The following PLPPR1 variants were observed in gnomAD, a reference collection of about 807,000 sequenced individuals.
The protein encoded by PLPPR1 is phospholipid phosphatase related 1.
PLPPR1 carries 10 observed loss-of-function variants against 33.1 expected under a neutral mutation model. That is an observed-to-expected ratio of 0.30 (90% CI 0.19 to 0.51). The LOEUF (loss-of-function observed/expected upper bound fraction) is 0.51, where lower values mean the gene tolerates loss of function less well. Among genes scored for constraint, PLPPR1 ranks in the 20% least tolerant of loss-of-function variants. The pLI is 0.97. For synonymous variants in PLPPR1, 151 were observed against 151.0 expected, an observed-to-expected ratio of 1.00 and a Z score of 0.00; for missense variants, 304 against 408.1, an observed-to-expected ratio of 0.74 and a Z score of 2.20.
intron 1 of PLPPR1, among the ~76,000 whole-genome samples, chr9:101,127,315 A>T (rs1831257863): frequency 6.6e-6 from 1 of 152,170 alleles, no homozygotes; most frequent in South Asian, 2.1e-4. Flanking sequence ...CATGGGGGCA[A>T]CGAAGTCCGG....
intron 1 of PLPPR1, among the ~76,000 whole-genome samples, chr9:101,121,549 A>G (rs1335130879): frequency 1.3e-5 from 2 of 152,202 alleles, no homozygotes; most frequent in Non-Finnish European, 2.9e-5. Context: ...AATATTTAAT[A>G]CAGTAATACA....
chr9:101,153,751 AT>A (rs3983751), intron 1 of PLPPR1, among the ~76,000 whole-genome samples: 244 of 144,012 alleles, frequency 1.7e-3, no homozygotes, highest in African/African-American at 3.3e-3. Flanking sequence ...TTTTTTTTGT[AT>A]TTTTTTTTTT....
intron 1 of PLPPR1, among the ~76,000 whole-genome samples, chr9:101,086,120 G>T (rs933117196): frequency 1.3e-5 from 2 of 152,150 alleles, no homozygotes. Context: ...CTATTGATAT[G>T]ATGACTATGT....
At chr9:101,128,356 A>G (rs1831272191) in intron 1 of PLPPR1, among the ~76,000 whole-genome samples, 1 of 152,196 alleles carries the variant, frequency 6.6e-6, no homozygotes, top group African/African-American at 2.4e-5. Context: ...TAAAAGGATG[A>G]GTACTTATTT....
intron 1 of PLPPR1, among the ~76,000 whole-genome samples, chr9:101,043,448 CACATATATACATATGTATGTGTATAT>C (rs1830107968): frequency 6.6e-6 from 1 of 150,630 alleles, no homozygotes; most frequent in South Asian, 2.1e-4. Flanking sequence ...TATATGCATA[CACATATATACATATGTATGTGTATAT>C]ACATATACAC....
At position 101,087,646 on chromosome 9, in the gene PLPPR1, A is replaced by G. The variant is rs568206582; in HGVS notation, c.-46+58544A>G. On this transcript the variant is annotated intron_variant, in intron 1 of 7. Coordinates refer to ENST00000374874, the MANE Select transcript of PLPPR1 (RefSeq NM_207299.2). ...GTTCTTTGTTCTCAGAAAATGTGGC[A>G]TAATGAACAGGAAACCACATTTACA... 2.6e-5 allele frequency among the ~76,000 whole-genome samples: 4 copies of G among 152,324 alleles called. No individual in the cohort carries two copies. The South Asian group carries it at 8.3e-4, about 32-fold the overall frequency.
At chr9:101,202,679 C>A (rs1187780241) in intron 2 of PLPPR1, among the ~76,000 whole-genome samples, 1 of 152,198 alleles carries the variant, frequency 6.6e-6, no homozygotes, top group Non-Finnish European at 1.5e-5. Context: ...AAGAGCACCT[C>A]TCATTGTGGA....
intron 4 of PLPPR1, among the ~76,000 whole-genome samples, chr9:101,296,411 A>G (rs1374899928): frequency 6.6e-6 from 1 of 151,546 alleles, no homozygotes; most frequent in Non-Finnish European, 1.5e-5. Flanking sequence ...GGGATCTAGT[A>G]CTAGAAATAC....
At chr9:101,124,873 G>A (rs561164161) in intron 1 of PLPPR1, among the ~76,000 whole-genome samples, 148 of 152,296 alleles carry the variant, frequency 9.7e-4, no homozygotes, top group African/African-American at 3.2e-3. Flanking sequence ...ATGAGTTAAC[G>A]AATGGAATGC....
chr9:101,233,884 A>G (rs1827241246), intron 2 of PLPPR1, among the ~76,000 whole-genome samples: 1 of 151,916 alleles, frequency 6.6e-6, no homozygotes, highest in African/African-American at 2.4e-5. Context: ...TACCCTTTAA[A>G]CATGGTTTGA....
intron 2 of PLPPR1, among the ~76,000 whole-genome samples, chr9:101,266,300 C>T (rs1217006423): frequency 9.3e-5 from 14 of 150,716 alleles, no homozygotes. Flanking sequence ...TGATGGCATG[C>T]ACCTGTAATC....
chr9:101,127,805 T>C lies in PLPPR1; in HGVS notation c.-45-57645T>C, dbSNP rs1246978866. The stretch of plus-strand genomic sequence containing the variant: ...GGACATGTTCCAAGACTCTTTTACA[T>C]TATGTCAGACATGCAAGCCTTGCCC... On this transcript the variant is annotated intron_variant, in intron 1 of 7. Coordinates refer to ENST00000374874, the MANE Select transcript of PLPPR1 (RefSeq NM_207299.2). Among the ~76,000 whole-genome samples, 4 of 152,178 alleles carry C rather than the reference T, an allele frequency of 2.6e-5. No homozygotes were observed. The East Asian group carries it at 5.8e-4, about 22-fold the overall frequency.
At chr9:101,219,534 A>G (rs892365467) in intron 2 of PLPPR1, among the ~76,000 whole-genome samples, 1 of 152,166 alleles carries the variant, frequency 6.6e-6, no homozygotes, top group Non-Finnish European at 1.5e-5. Flanking sequence ...ACAGAGATGT[A>G]TGTGTATAAT....
At chr9:101,072,283 G>T (rs1425254280) in intron 1 of PLPPR1, among the ~76,000 whole-genome samples, 1 of 152,052 alleles carries the variant, frequency 6.6e-6, no homozygotes, top group Non-Finnish European at 1.5e-5. Flanking sequence ...TATGTGTTGC[G>T]GCTTAGCCCT....
intron 1 of PLPPR1, among the ~76,000 whole-genome samples, chr9:101,084,305 TA>T (rs1830652758): frequency 2.0e-5 from 3 of 152,164 alleles, no homozygotes; most frequent in Admixed American, 1.3e-4. Context: ...CCAGTGATAC[TA>T]AAGGAACTAA....
chr9:101,225,931 G>A (rs1827057775), intron 2 of PLPPR1, among the ~76,000 whole-genome samples: 1 of 152,000 alleles, frequency 6.6e-6, no homozygotes, highest in Non-Finnish European at 1.5e-5. Context: ...TTTTGCATCT[G>A]GAGAAACTGA....
intron 2 of PLPPR1, among the ~76,000 whole-genome samples, chr9:101,193,136 G>A (rs578021201): frequency 6.6e-6 from 1 of 152,270 alleles, no homozygotes; most frequent in African/African-American, 2.4e-5. Context: ...AAGAAGAGAA[G>A]AGAATGTAGG....
chr9:101,271,176 G>A (rs1828093379), intron 3 of PLPPR1, among the ~76,000 whole-genome samples: 1 of 152,156 alleles, frequency 6.6e-6, no homozygotes, highest in Admixed American at 6.5e-5. Context: ...ACAACATGAT[G>A]TATCAGAAGG....
At chr9:101,039,560 TTCACACTGCCGATAA>T (rs1830050932) in intron 1 of PLPPR1, among the ~76,000 whole-genome samples, 2 of 152,172 alleles carry the variant, frequency 1.3e-5, no homozygotes, top group African/African-American at 4.8e-5. Context: ...TTAGTCCATT[TTCACACTGCCGATAA>T]AGACATACCT....
Sources: allele counts gnomAD v4.1 joint callset (sites outside exome capture counted in the v4.1 genomes callset), GRCh38; gene constraint gnomAD v4.1.1; transcripts MANE v1.5; gene names NCBI Gene and HGNC (gene_info 2026-07-23, HGNC 2026-07-21).